Variants in CBLB observed in about 807,000 individuals in gnomAD.
The protein encoded by CBLB is E3 ubiquitin-protein ligase CBL-B.
Under a neutral mutation model 104.9 loss-of-function variants are expected in CBLB, and 31 were observed. The ratio of observed to expected loss-of-function variants is 0.30; its 90% confidence interval spans 0.22 to 0.40. The LOEUF is 0.40. Among genes scored for constraint, CBLB ranks in the 10% least tolerant of loss-of-function variants. The pLI, the probability that CBLB is intolerant of heterozygous loss-of-function variation, is 1.00. For missense variants in CBLB, 1,062 were observed against 1,214.6 expected, an observed-to-expected ratio of 0.87 and a Z score of 1.87; for synonymous variants, 440 against 422.6, an observed-to-expected ratio of 1.04 and a Z score of -0.51.
intron 17 of CBLB, chr3:105,674,113 TC>T (rs1327621071): frequency 5.3e-5 from 8 of 152,220 alleles, no homozygotes; most frequent in Non-Finnish European, 1.2e-4. Context: ...ATGTTGTGAA[TC>T]CGGAGAACAC....
intron 6 of CBLB, among the ~76,000 whole-genome samples, chr3:105,741,250 G>A (rs557967144): frequency 1.5e-4 from 23 of 152,166 alleles, no homozygotes; most frequent in African/African-American, 3.1e-4. Context: ...GTGCAGTGGC[G>A]CCATCTCGGC....
intron 3 of CBLB, among the ~76,000 whole-genome samples, chr3:105,815,079 A>G (rs768504532): frequency 1.3e-5 from 2 of 152,150 alleles, no homozygotes; most frequent in Non-Finnish European, 2.9e-5. Flanking sequence ...CAGGCATAAG[A>G]AATTCTCTCT....
chr3:105,730,835 T>C (rs2074242294), intron 9 of CBLB, among the ~76,000 whole-genome samples: 1 of 152,204 alleles, frequency 6.6e-6, no homozygotes. Flanking sequence ...CTGAATAGTT[T>C]TGAATTTGTC....
chr3:105,772,685 T>A (rs988604811), intron 4 of CBLB, among the ~76,000 whole-genome samples: 1 of 150,924 alleles, frequency 6.6e-6, no homozygotes, highest in Non-Finnish European at 1.5e-5. Flanking sequence ...AAACAAATAA[T>A]CCCATCAAAA....
Position 105,836,967 on chromosome 3 carries a change from CAA to C in CBLB, c.419+16445_419+16446del, listed in dbSNP as rs34209714. 5.3e-3 allele frequency among the ~76,000 whole-genome samples: 763 copies of C among 144,834 alleles called. 2 individuals carry two copies. Among genetic ancestry groups the C allele is most frequent in the Middle Eastern group, 0.048 (14 of 292 alleles). On this transcript the variant is annotated intron_variant, in intron 3 of 18. Coordinates refer to ENST00000394030, the MANE Select transcript of CBLB (RefSeq NM_170662.5). ...TGCTCACATCAAAACAAAACAAGAC[CAA>C]AAAAAAAAAAAAATCATTTATAGCA...
chr3:105,683,342 G>C (rs1052725312), intron 14 of CBLB, among the ~76,000 whole-genome samples: 3 of 152,172 alleles, frequency 2.0e-5, no homozygotes, highest in Non-Finnish European at 4.4e-5. Context: ...TCATCCATCA[G>C]CTTTCAAGAA....
At chr3:105,722,721 G>T (rs2073061423) in intron 9 of CBLB, among the ~76,000 whole-genome samples, 1 of 152,192 alleles carries the variant, frequency 6.6e-6, no homozygotes, top group African/African-American at 2.4e-5. Context: ...GGTTAAGGAT[G>T]ACTTCCAGTT....
chr3:105,818,218 TC>T (rs1182142127), intron 3 of CBLB, among the ~76,000 whole-genome samples: 1 of 152,180 alleles, frequency 6.6e-6, no homozygotes, highest in African/African-American at 2.4e-5. Flanking sequence ...ATAGGTCTAA[TC>T]ATGTAAAATC....
At chr3:105,753,565 T>C (rs1022387683) in intron 4 of CBLB, among the ~76,000 whole-genome samples, 1 of 151,700 alleles carries the variant, frequency 6.6e-6, no homozygotes, top group African/African-American at 2.4e-5. Context: ...ATACTCAGAG[T>C]AAAAAAAATA....
chr3:105,869,275 G>T (rs1424770247), upstream of CBLB: 1 of 904,498 alleles, frequency 1.1e-6, no homozygotes, highest in Non-Finnish European at 1.6e-6. Flanking sequence ...GACTCTCCCG[G>T]GAACGAAAGT....
chr3:105,681,872 G>T, intron 14 of CBLB, 54 bp from the exon 15 acceptor site: 1 of 1,048,404 alleles, frequency 9.5e-7, no homozygotes, highest in Non-Finnish European at 1.5e-6. Context: ...CCAATTAAAA[G>T]TAACTTGAGA....
At chr3:105,676,604 T>G (rs528721401) in intron 17 of CBLB, among the ~76,000 whole-genome samples, 9 of 152,160 alleles carry the variant, frequency 5.9e-5, no homozygotes, top group Non-Finnish European at 1.2e-4. Context: ...CTAAAAATCA[T>G]GTTAAAGTCT....
At chr3:105,794,965 G>T (rs111774693) in intron 3 of CBLB, among the ~76,000 whole-genome samples, 12,361 of 151,278 alleles carry the variant, frequency 0.082, 580 homozygotes, top group Admixed American at 0.12. Context: ...CGCCGGGCTG[G>T]AGTGCAGTGG....
chr3:105,864,827 A>G (rs913871180), intron 2 of CBLB, among the ~76,000 whole-genome samples: 1 of 152,042 alleles, frequency 6.6e-6, no homozygotes, highest in Admixed American at 6.6e-5. Flanking sequence ...TTCCCCTACA[A>G]CCCAAGACTG....
chr3:105,791,620 C>A (rs2081650583), intron 3 of CBLB, among the ~76,000 whole-genome samples: 1 of 152,200 alleles, frequency 6.6e-6, no homozygotes, highest in Admixed American at 6.5e-5. Flanking sequence ...ACACTGAAAT[C>A]CGTTCTTTTA....
chr3:105,781,374 G>A (rs6784447), intron 3 of CBLB, among the ~76,000 whole-genome samples: 37,664 of 152,046 alleles, frequency 0.25, 5,403 homozygotes, highest in Non-Finnish European at 0.33. Context: ...GGTTGCTACG[G>A]TCAACATCAT....
intron 17 of CBLB, among the ~76,000 whole-genome samples, chr3:105,676,419 T>C (rs2152712209): frequency 6.6e-6 from 1 of 152,338 alleles, no homozygotes; most frequent in South Asian, 2.1e-4. Flanking sequence ...TAAAATGTTC[T>C]CTTTTATTAT....
chr3:105,670,217 T>C lies in CBLB; in HGVS notation c.2689+16A>G, dbSNP rs1263462693. 6.2e-7 allele frequency: 1 copy of C among 1,611,316 alleles called. No homozygotes were observed. The highest frequency in any genetic ancestry group is 2.2e-5 in the East Asian group (1 of 44,800). Reference sequence around the variant, plus strand: ...TAACAATAAGGTATTATTGTTACTGTTACTAGCCAACTCACCTGAACATGA... The same window carrying C: ...TAACAATAAGGTATTATTGTTACTGCTACTAGCCAACTCACCTGAACATGA... On this transcript the variant is annotated intron_variant, in intron 18 of 18. Transcript: ENST00000394030.
At chr3:105,764,940 C>T (rs778750655) in intron 4 of CBLB, among the ~76,000 whole-genome samples, 13 of 152,192 alleles carry the variant, frequency 8.5e-5, no homozygotes, top group Non-Finnish European at 1.9e-4. Context: ...GGCCCCAACT[C>T]GCTTCAATTC....
Sources: gnomAD v4.1 joint callset for allele counts (sites outside exome capture counted in the v4.1 genomes callset) on GRCh38, gnomAD v4.1.1 for gene constraint, MANE v1.5 for transcripts, NCBI Gene and HGNC (gene_info 2026-07-23, HGNC 2026-07-21) for gene names.